The following STMN2 variants were observed in gnomAD, a reference collection of about 807,000 sequenced individuals.
STMN2 encodes stathmin 2.
A neutral mutation model predicts 24.1 loss-of-function variants in STMN2; 2 were observed. The ratio of observed to expected loss-of-function variants is 0.08; its 90% confidence interval spans 0.03 to 0.26. STMN2 has a LOEUF of 0.26. STMN2 is among the 10% of genes least tolerant of loss of function. STMN2 has a pLI of 1.00. For synonymous variants in STMN2, 83 were observed against 77.5 expected (o/e 1.07, Z -0.37); for missense variants, 114 against 213.6 (o/e 0.53, Z 2.91).
chr8:79,624,860 C>T (rs1809614660), intron 1 of STMN2, among the ~76,000 whole-genome samples: 1 of 152,228 alleles, frequency 6.6e-6, no homozygotes, highest in African/African-American at 2.4e-5. Flanking sequence ...TACTATCTAA[C>T]AATGAATTTG....
rs191016001 is a variant in STMN2, at chr8:79,656,699, C to T, written c.480+1637C>T. Among the ~76,000 whole-genome samples the T allele has an allele frequency of 2.7e-3, 410 of 152,262 alleles. 3 individuals carry two copies. The highest frequency in any genetic ancestry group is 0.01 in the Middle Eastern group (3 of 294). On this transcript the variant is annotated intron_variant, in intron 4 of 4. Transcript: ENST00000220876. ...TTTGAGATCACTGTGACTCAACCTT[C>T]TTCTCACATCCTAGGCCCTAAAACA...
At chr8:79,641,624 G>A (rs1810097080) in intron 3 of STMN2, 74 bp downstream of exon 3, 72 of 476,182 alleles carry the variant, frequency 1.5e-4, no homozygotes, top group Non-Finnish European at 1.6e-4. Flanking sequence ...GGGCACACAT[G>A]CACGCACACA....
chr8:79,615,842 C>T (rs1809371351), intron 1 of STMN2, among the ~76,000 whole-genome samples: 1 of 152,116 alleles, frequency 6.6e-6, no homozygotes, highest in Admixed American at 6.6e-5. Context: ...TAATTATTCC[C>T]TGATGGTTTT....
chr8:79,611,313 A>C, intron 1 of STMN2, 99 bp downstream of exon 1: 1 of 1,509,376 alleles, frequency 6.6e-7, no homozygotes, highest in Admixed American at 1.8e-5. Flanking sequence ...TTTATAAAGA[A>C]AAAGATGTTA....
rs1430311576 is a variant in STMN2 at position 79,663,581 on chromosome 8, T to A, written c.481-1234T>A. On this transcript the variant is annotated intron_variant, in intron 4 of 4. Transcript: ENST00000220876. Reference sequence around the variant, plus strand: ...TTAACGATAAGTTTTACTTTATAGCTGGTCAAGTTTATTTCTTCTGAACTA... The same window carrying A: ...TTAACGATAAGTTTTACTTTATAGCAGGTCAAGTTTATTTCTTCTGAACTA... 2.0e-6 allele frequency: 3 copies of A among 1,522,430 alleles called. No homozygotes were observed. The South Asian group carries it at 3.7e-5, about 19-fold the overall frequency. 94.3% of individuals were successfully genotyped at this position (1,522,430 alleles called of 1,614,324 possible). A position where few individuals can be genotyped will look rare whatever the true frequency, so the allele number is the denominator to read the frequency against.
chr8:79,617,454 T>C (rs1031636282), intron 1 of STMN2, among the ~76,000 whole-genome samples: 4 of 152,232 alleles, frequency 2.6e-5, no homozygotes, highest in African/African-American at 9.6e-5. Context: ...GTTTGCAGAA[T>C]ATACTGTTAC....
chr8:79,619,662 C>T lies in STMN2; in HGVS notation c.19+8448C>T, dbSNP rs1358042810. Among the ~76,000 whole-genome samples the T allele has an allele frequency of 7.2e-5, 11 of 152,244 alleles. 1 individual carries two copies. Among genetic ancestry groups the T allele is most frequent in the Admixed American group, 7.2e-4 (11 of 15,298 alleles). On this transcript the variant is annotated intron_variant, in intron 1 of 4. Coordinates refer to ENST00000220876, the MANE Select transcript of STMN2 (RefSeq NM_007029.4). ...CCTCCCTGGGAACTCTGCTTCAGAA[C>T]ATAATTATTTTTATTAATGCAGAGT...
intron 1 of STMN2, among the ~76,000 whole-genome samples, chr8:79,616,314 A>G (rs994876659): frequency 3.3e-5 from 5 of 152,356 alleles, no homozygotes; most frequent in African/African-American, 9.6e-5. Flanking sequence ...ATCGATGTTA[A>G]TTTTAACGAA....
chr8:79,641,839 T>G (rs995984944), intron 3 of STMN2, among the ~76,000 whole-genome samples: 5 of 152,084 alleles, frequency 3.3e-5, no homozygotes, highest in Non-Finnish European at 7.4e-5. Flanking sequence ...CTAGTGCCCC[T>G]TCCCGTATAT....
At chr8:79,656,122 A>G (rs1002919674) in intron 4 of STMN2, among the ~76,000 whole-genome samples, 1 of 152,212 alleles carries the variant, frequency 6.6e-6, no homozygotes. Context: ...TCTGACTGCA[A>G]ATATCCAACT....
chr8:79,639,115 C>A (rs932351255), intron 2 of STMN2, among the ~76,000 whole-genome samples: 2 of 152,144 alleles, frequency 1.3e-5, no homozygotes, highest in African/African-American at 4.8e-5. Flanking sequence ...TTTACTTGAC[C>A]ACAACCTCCA....
intron 4 of STMN2, among the ~76,000 whole-genome samples, chr8:79,657,000 A>G (rs901143328): frequency 2.0e-5 from 3 of 151,986 alleles, no homozygotes; most frequent in Non-Finnish European, 4.4e-5. Context: ...CAGCCTCCCA[A>G]GTAGCTGAGA....
intron 4 of STMN2, among the ~76,000 whole-genome samples, chr8:79,656,747 G>A (rs1277484455): frequency 6.6e-6 from 1 of 152,166 alleles, no homozygotes; most frequent in Non-Finnish European, 1.5e-5. Context: ...TGCTAGGAAC[G>A]GTACCTGCTG....
intron 1 of STMN2, among the ~76,000 whole-genome samples, chr8:79,634,459 T>C (rs1337719147): frequency 2.0e-5 from 3 of 152,344 alleles, no homozygotes; most frequent in Middle Eastern, 3.4e-3. Flanking sequence ...ATAAGCTAAA[T>C]AGTGAGGGGA....
At chr8:79,644,447 T>C (rs1810175681) in intron 3 of STMN2, among the ~76,000 whole-genome samples, 1 of 152,188 alleles carries the variant, frequency 6.6e-6, no homozygotes, top group African/African-American at 2.4e-5. Context: ...AGTCCCGAAA[T>C]TGAGTCTCAA....
chr8:79,641,814 A>G (rs1157192689), intron 3 of STMN2, among the ~76,000 whole-genome samples: 1 of 152,050 alleles, frequency 6.6e-6, no homozygotes, highest in Non-Finnish European at 1.5e-5. Context: ...CAGAAATCCA[A>G]AGAGCTTCAG....
At chr8:79,643,299 G>A (rs1426896309) in intron 3 of STMN2, among the ~76,000 whole-genome samples, 1 of 148,758 alleles carries the variant, frequency 6.7e-6, no homozygotes, top group African/African-American at 2.5e-5. Flanking sequence ...GTTATTTTTA[G>A]CTTTATTCTC....
Position 79,611,169 on chromosome 8 carries a change from A to G in STMN2, c.-27A>G. 1.9e-6 allele frequency: 3 copies of G among 1,614,016 alleles called. No homozygotes were observed. The highest frequency in any genetic ancestry group is 2.5e-6 in the Non-Finnish European group (3 of 1,180,024). ...TGTAGCCGGACCCTTTGCCTTCGCCACTGCTCAGCGTCTGCACATCCCTAC... is the reference window on the plus strand; with the variant it reads ...TGTAGCCGGACCCTTTGCCTTCGCCGCTGCTCAGCGTCTGCACATCCCTAC... On this transcript the variant is annotated 5_prime_UTR_variant, in exon 1 of 5. Transcript: ENST00000220876.
chr8:79,613,853 TGTGCAA>T, intron 1 of STMN2: 1 of 983,666 alleles, frequency 1.0e-6, no homozygotes, highest in Non-Finnish European at 1.2e-6. Flanking sequence ...CTAAGATACA[TGTGCAA>T]GTGCTTGCTA....
Sources: allele counts gnomAD v4.1 joint callset (sites outside exome capture counted in the v4.1 genomes callset), GRCh38; gene constraint gnomAD v4.1.1; transcripts MANE v1.5; gene names NCBI Gene and HGNC (gene_info 2026-07-23, HGNC 2026-07-21).